Variants in SORCS3 observed in about 807,000 individuals in gnomAD.
SORCS3 encodes sortilin related VPS10 domain containing receptor 3, also known as VPS10 domain-containing receptor SorCS3.
In SORCS3, 57 loss-of-function variants were observed where a neutral mutation model predicts 146.3. That is an observed-to-expected ratio of 0.39 (90% CI 0.31 to 0.49). The LOEUF is 0.49. Among genes scored for constraint, SORCS3 ranks in the 20% least tolerant of loss-of-function variants. SORCS3 has a pLI of 0.92. For synonymous variants in SORCS3, 653 were observed against 618.5 expected (o/e 1.06, Z -0.83); for missense variants, 1,341 against 1,575.5 (o/e 0.85, Z 2.52).
chr10:104,962,817 A>T (rs935817543), intron 3 of SORCS3, among the ~76,000 whole-genome samples: 1 of 152,218 alleles, frequency 6.6e-6, no homozygotes, highest in African/African-American at 2.4e-5. Flanking sequence ...AAATACTCAT[A>T]ATCTTGCCAC....
chr10:105,178,768 A>C lies in SORCS3; in HGVS notation c.2009+595A>C, dbSNP rs550719636. On this transcript the variant is annotated intron_variant, in intron 14 of 26. Coordinates refer to ENST00000369701, the MANE Select transcript of SORCS3 (RefSeq NM_014978.3). ...TGTACATGGTGAGTGGGTAACCGTA[A>C]TCCTCCACCAACCAATACTGTCCCC... Among the ~76,000 whole-genome samples, 3 of 152,232 alleles carry C rather than the reference A, an allele frequency of 2.0e-5. No individual in the cohort carries two copies. In the East Asian group the frequency reaches 5.8e-4, roughly 29 times the overall value.
intron 5 of SORCS3, among the ~76,000 whole-genome samples, chr10:105,065,046 C>T (rs975153849): frequency 6.6e-6 from 1 of 152,150 alleles, no homozygotes; most frequent in African/African-American, 2.4e-5. Context: ...ACGTAGGGTG[C>T]AGGTAATGAG....
chr10:104,942,821 A>G (rs2019334334), intron 3 of SORCS3, among the ~76,000 whole-genome samples: 1 of 152,252 alleles, frequency 6.6e-6, no homozygotes, highest in Admixed American at 6.5e-5. Context: ...CCAAAAACCT[A>G]CAGCAAACCT....
rs1481811209 is a variant in SORCS3, at chr10:104,794,622, G to GGAGGGAGAGAGAGAGAGAGAGA, written c.628-48167_628-48166insGGAGAGAGAGAGAGAGAGAGAG. ...GTGTGTGTGAGAGAGAGAGAGGGAG[G>GGAGGGAGAGAGAGAGAGAGAGA]GAGAGAGAGAGAGAGAGAGAGAGAG... is the stretch of plus-strand genomic sequence containing the variant. On this transcript the variant is annotated intron_variant, in intron 1 of 26. Transcript: ENST00000369701. 9.6e-3 allele frequency among the ~76,000 whole-genome samples: 398 copies of GGAGGGAGAGAGAGAGAGAGAGA among 41,290 alleles called. 2 individuals carry two copies. The highest frequency in any genetic ancestry group is 0.02 in the African/African-American group (118 of 6,006). 27.1% of individuals were successfully genotyped at this position (41,290 alleles called of 152,430 possible). A position where few individuals can be genotyped will look rare whatever the true frequency, so the allele number is the denominator to read the frequency against.
chr10:104,814,348 A>G (rs941293352), intron 1 of SORCS3, among the ~76,000 whole-genome samples: 14 of 151,782 alleles, frequency 9.2e-5, no homozygotes, highest in Non-Finnish European at 2.1e-4. Flanking sequence ...TTTGAACTAG[A>G]CCCTCCTCCA....
intron 20 of SORCS3, among the ~76,000 whole-genome samples, chr10:105,240,371 G>A (rs1203670867): frequency 3.9e-5 from 6 of 152,196 alleles, no homozygotes; most frequent in Non-Finnish European, 8.8e-5. Context: ...AAAATGCCTG[G>A]TGGTGATAGG....
chr10:104,719,156 T>C (rs2016513971), intron 1 of SORCS3, among the ~76,000 whole-genome samples: 1 of 152,226 alleles, frequency 6.6e-6, no homozygotes, highest in Admixed American at 6.5e-5. Flanking sequence ...CCCATCTCAA[T>C]TCTGACTAGC....
At chr10:104,663,502 C>T (rs2015728276) in intron 1 of SORCS3, among the ~76,000 whole-genome samples, 1 of 152,162 alleles carries the variant, frequency 6.6e-6, no homozygotes, top group Non-Finnish European at 1.5e-5. Flanking sequence ...GGGCTTCCTC[C>T]ATTGCTTTCC....
intron 20 of SORCS3, among the ~76,000 whole-genome samples, chr10:105,242,816 T>TTTTTATATATAAATTATATATATATA (rs1564793876): frequency 1.6e-5 from 1 of 61,302 alleles, no homozygotes; most frequent in Admixed American, 2.4e-4. Flanking sequence ...TTTATATATA[T>TTTTTATATATAAATTATATATATATA]TTTTATATAT....
At chr10:104,675,087 A>T (rs1034325257) in intron 1 of SORCS3, among the ~76,000 whole-genome samples, 1 of 152,196 alleles carries the variant, frequency 6.6e-6, no homozygotes, top group Non-Finnish European at 1.5e-5. Context: ...CCAGCAATGG[A>T]TGAGATTTCT....
intron 3 of SORCS3, among the ~76,000 whole-genome samples, chr10:104,934,466 T>C (rs1272011034): frequency 2.0e-5 from 3 of 152,220 alleles, no homozygotes; most frequent in East Asian, 1.9e-4. Context: ...TGTCCCTGAG[T>C]GTTGCTTAAC....
chr10:104,860,588 A>C (rs2018390197), intron 2 of SORCS3, among the ~76,000 whole-genome samples: 1 of 152,178 alleles, frequency 6.6e-6, no homozygotes, highest in Non-Finnish European at 1.5e-5. Flanking sequence ...AAAACAGAAA[A>C]GAAAAAAAAT....
chr10:104,767,358 A>G (rs959311441), intron 1 of SORCS3, among the ~76,000 whole-genome samples: 8 of 152,210 alleles, frequency 5.3e-5, no homozygotes, highest in Non-Finnish European at 1.0e-4. Context: ...TGAGTAAAGG[A>G]AAAGCCCCGA....
At chr10:104,946,272 T>C (rs2019370296) in intron 3 of SORCS3, among the ~76,000 whole-genome samples, 1 of 151,900 alleles carries the variant, frequency 6.6e-6, no homozygotes, top group South Asian at 2.1e-4. Context: ...AGGACGGCTG[T>C]TCTTGTTTCT....
chr10:105,034,756 A>C (rs2055294873), intron 4 of SORCS3, among the ~76,000 whole-genome samples: 1 of 152,182 alleles, frequency 6.6e-6, no homozygotes, highest in South Asian at 2.1e-4. Flanking sequence ...GGCAAAAATA[A>C]GGCTGCCATA....
At chr10:104,866,921 G>C (rs2018465264) in intron 2 of SORCS3, among the ~76,000 whole-genome samples, 1 of 152,144 alleles carries the variant, frequency 6.6e-6, no homozygotes, top group Admixed American at 6.5e-5. Flanking sequence ...ATTTTCTTGG[G>C]TTGTCTAGAG....
chr10:104,882,451 C>T (rs1048524237), intron 2 of SORCS3, among the ~76,000 whole-genome samples: 1 of 152,112 alleles, frequency 6.6e-6, no homozygotes, highest in Non-Finnish European at 1.5e-5. Flanking sequence ...AAGCAAGTAT[C>T]CTTAGAATGC....
intron 1 of SORCS3, among the ~76,000 whole-genome samples, chr10:104,761,464 G>A (rs1456752067): frequency 6.6e-6 from 1 of 152,118 alleles, no homozygotes; most frequent in Non-Finnish European, 1.5e-5. Flanking sequence ...ATGCAGAAAT[G>A]GCTCCTGCAG....
rs150547866 is a variant in SORCS3 at position 105,217,130 on chromosome 10, G to A, written c.2734+8G>A. 7.4e-4 allele frequency: 1,200 copies of A among 1,612,906 alleles called. 15 individuals carry two copies. In the African/African-American group the frequency reaches 0.015, roughly 20 times the overall value. On this transcript the variant is annotated splice_region_variant and intron_variant, in intron 19 of 26. Transcript: ENST00000369701. The stretch of plus-strand genomic sequence containing the variant: ...TCTTCCTGCATGTGGTTTGTAAGTA[G>A]GAGGCACCATCCCCGTTTTCCCTTT...
Sources: allele counts gnomAD v4.1 joint callset (sites outside exome capture counted in the v4.1 genomes callset), GRCh38; gene constraint gnomAD v4.1.1; transcripts MANE v1.5; gene names NCBI Gene and HGNC (gene_info 2026-07-23, HGNC 2026-07-21).